Variants in PRKAG2 observed in about 807,000 individuals in gnomAD.
PRKAG2 encodes the protein protein kinase AMP-activated non-catalytic subunit gamma 2, also known as 5'-AMP-activated protein kinase subunit gamma-2.
In PRKAG2, 26 loss-of-function variants were observed where a neutral mutation model predicts 69.6. That is an observed-to-expected ratio of 0.37 (90% CI 0.27 to 0.52). PRKAG2 has a LOEUF of 0.52. PRKAG2 is among the 20% of genes least tolerant of loss of function. The pLI, the probability that PRKAG2 is intolerant of heterozygous loss-of-function variation, is 0.90. For missense variants in PRKAG2, 557 were observed against 740.0 expected (o/e 0.75, Z 2.87); for synonymous variants, 293 against 285.0 (o/e 1.03, Z -0.28).
rs562638193 is a variant in PRKAG2 at position 151,610,444 on chromosome 7, C to T, written c.755-14990G>A. ...CTGTAATCCCAGCACTTTGGGAGAC[C>T]GAGGCAGGCGGATCACGAGGTCAAA... On this transcript the variant is annotated intron_variant, in intron 5 of 15. Coordinates refer to ENST00000287878, the MANE Select transcript of PRKAG2 (RefSeq NM_016203.4). Among the ~76,000 whole-genome samples, 3 of 151,732 alleles carry T rather than the reference C, an allele frequency of 2.0e-5. No individual in the cohort carries two copies. In the South Asian group the frequency reaches 6.2e-4, roughly 32 times the overall value.
At chr7:151,875,771 T>C (rs1288656289) in intron 1 of PRKAG2, among the ~76,000 whole-genome samples, 7 of 151,954 alleles carry the variant, frequency 4.6e-5, no homozygotes, top group Non-Finnish European at 1.5e-5. Context: ...GCCGCCCCTC[T>C]GGCTGGACAA....
chr7:151,784,338 T>C (rs62478217), intron 2 of PRKAG2, among the ~76,000 whole-genome samples: 20,850 of 152,068 alleles, frequency 0.14, 2,304 homozygotes, highest in African/African-American at 0.3. Context: ...GCCGAGCCAA[T>C]GCAAATGTCC....
intron 4 of PRKAG2, among the ~76,000 whole-genome samples, chr7:151,663,447 C>T (rs961027424): frequency 5.9e-5 from 9 of 152,212 alleles, no homozygotes; most frequent in African/African-American, 7.2e-5. Flanking sequence ...ACTGCAGCCT[C>T]GACCTCCCAG....
At chr7:151,705,749 G>A (rs532026804) in intron 3 of PRKAG2, among the ~76,000 whole-genome samples, 4 of 152,194 alleles carry the variant, frequency 2.6e-5, no homozygotes, top group African/African-American at 9.6e-5. Context: ...CAGGCTCTGG[G>A]GTCCCCTCCT....
At chr7:151,630,411 G>A (rs963446281) in intron 5 of PRKAG2, among the ~76,000 whole-genome samples, 4 of 152,198 alleles carry the variant, frequency 2.6e-5, no homozygotes, top group Admixed American at 6.5e-5. Flanking sequence ...GCACTTAAGC[G>A]ATAATAGTAA....
chr7:151,751,425 C>T lies in PRKAG2; in HGVS notation c.466+29727G>A, dbSNP rs61165078. ...AGCCACCACGCCCGGCCCAAAGATGCCATATTTTTTTTACAGCTACATGGT... is the reference window on the plus strand; with the variant it reads ...AGCCACCACGCCCGGCCCAAAGATGTCATATTTTTTTTACAGCTACATGGT... On this transcript the variant is annotated intron_variant, in intron 3 of 15. Transcript: ENST00000287878. Among the ~76,000 whole-genome samples, 783 of 151,810 alleles carry T rather than the reference C, an allele frequency of 5.2e-3. 8 individuals are homozygous for T. The highest frequency in any genetic ancestry group is 0.018 in the African/African-American group (738 of 41,406).
chr7:151,827,260 A>G (rs1366924240), intron 1 of PRKAG2, among the ~76,000 whole-genome samples: 1 of 152,092 alleles, frequency 6.6e-6, no homozygotes, highest in African/African-American at 2.4e-5. Flanking sequence ...TATTTTTGAG[A>G]CAGGGTCTCA....
chr7:151,784,644 G>A (rs150693476), intron 2 of PRKAG2, among the ~76,000 whole-genome samples: 3,986 of 152,290 alleles, frequency 0.026, 70 homozygotes, highest in South Asian at 0.035. Flanking sequence ...TGGGGGTCAC[G>A]GGGGAAGTTG....
intron 3 of PRKAG2, among the ~76,000 whole-genome samples, chr7:151,705,963 G>A (rs1251281143): frequency 9.9e-5 from 15 of 152,060 alleles, no homozygotes. Flanking sequence ...GTTGTTGAGG[G>A]TAGAACTTCA....
At chr7:151,703,261 G>T (rs762182673) in intron 3 of PRKAG2, among the ~76,000 whole-genome samples, 2 of 152,208 alleles carry the variant, frequency 1.3e-5, no homozygotes, top group Non-Finnish European at 2.9e-5. Context: ...AAAGGACTGC[G>T]GGTGCTCTAA....
At chr7:151,648,874 GAAAAATC>G (rs1827987958) in intron 4 of PRKAG2, among the ~76,000 whole-genome samples, 1 of 150,884 alleles carries the variant, frequency 6.6e-6, no homozygotes, top group East Asian at 1.9e-4. Flanking sequence ...AAAGAAAGGG[GAAAAATC>G]AGGTATGTGA....
intron 3 of PRKAG2, among the ~76,000 whole-genome samples, chr7:151,693,443 G>A (rs1026742353): frequency 6.6e-6 from 1 of 152,146 alleles, no homozygotes; most frequent in African/African-American, 2.4e-5. Context: ...TCACCTCCCC[G>A]GGCCATCAGC....
chr7:151,590,907 C>T (rs977927829), intron 6 of PRKAG2, among the ~76,000 whole-genome samples: 1 of 152,228 alleles, frequency 6.6e-6, no homozygotes, highest in Admixed American at 6.5e-5. Context: ...TGGCTCTAAC[C>T]GCTCACTTGG....
chr7:151,821,368 C>T (rs572090022), intron 1 of PRKAG2, among the ~76,000 whole-genome samples: 1 of 152,276 alleles, frequency 6.6e-6, no homozygotes, highest in Middle Eastern at 3.4e-3. Flanking sequence ...TTCTTTTAAG[C>T]TGGGAACCAG....
In PRKAG2 at chr7:151,732,455, G is replaced by A. The variant is rs534994897; in HGVS notation, c.466+48697C>T. On this transcript the variant is annotated intron_variant, in intron 3 of 15. Coordinates refer to ENST00000287878, the MANE Select transcript of PRKAG2 (RefSeq NM_016203.4). ...AACCCAGCCCTGAGATTCTATCTCC[G>A]GGAATAACTGTATGAAGGAGAGGGC... Among the ~76,000 whole-genome samples the A allele has an allele frequency of 6.6e-5, 10 of 152,190 alleles. No homozygotes were observed. The South Asian group carries it at 1.2e-3, about 19-fold the overall frequency.
chr7:151,855,332 CCTCCACACACACCATG>C lies in PRKAG2; in HGVS notation c.114+21159_114+21174del, dbSNP rs1386328879. Among the ~76,000 whole-genome samples, 213 of 96,782 alleles carry C rather than the reference CCTCCACACACACCATG, an allele frequency of 2.2e-3. 67 individuals carry two copies. The East Asian group carries it at 0.066, about 30-fold the overall frequency. 63.5% of individuals were successfully genotyped at this position (96,782 alleles called of 152,430 possible). ...CACACACCACCCTCCCACACACCGC[CCTCCACACACACCATG>C]CTCCACACACACCGCCCTCCACACA... On this transcript the variant is annotated intron_variant, in intron 1 of 15. Transcript: ENST00000287878.
At chr7:151,639,810 G>A (rs575109258) in intron 4 of PRKAG2, among the ~76,000 whole-genome samples, 155 of 152,286 alleles carry the variant, frequency 1.0e-3, no homozygotes, top group African/African-American at 3.6e-3. Context: ...CTTGGAGATG[G>A]CCTGTTGTGG....
At chr7:151,748,923 G>A (rs2074481780) in intron 3 of PRKAG2, among the ~76,000 whole-genome samples, 2 of 147,384 alleles carry the variant, frequency 1.4e-5, no homozygotes, top group African/African-American at 5.4e-5. Context: ...ACGACAGTGA[G>A]AGTATTTGCT....
chr7:151,864,023 C>T (rs1481338585), intron 1 of PRKAG2, among the ~76,000 whole-genome samples: 3 of 152,160 alleles, frequency 2.0e-5, no homozygotes, highest in Non-Finnish European at 4.4e-5. Context: ...TTGAGCCTTT[C>T]CTGAGAACTG....
Sources: allele counts gnomAD v4.1 joint callset (sites outside exome capture counted in the v4.1 genomes callset), GRCh38; gene constraint gnomAD v4.1.1; transcripts MANE v1.5; gene names NCBI Gene and HGNC (gene_info 2026-07-23, HGNC 2026-07-21).